FN1: variants seen among roughly 807,000 people sequenced by gnomAD.
FN1 encodes the protein fibronectin.
FN1 carries 106 observed loss-of-function variants against 297.3 expected under a neutral mutation model. That is an observed-to-expected ratio of 0.36 (90% CI 0.30 to 0.42). The LOEUF is 0.42. Among genes scored for constraint, FN1 ranks in the 10% least tolerant of loss-of-function variants. FN1 has a pLI of 1.00. For missense variants in FN1, 2,690 were observed against 3,124.9 expected (o/e 0.86, Z 3.32); for synonymous variants, 1,149 against 1,152.6 (o/e 1.00, Z 0.06).
At chr2:215,364,841 T>C in intron 44 of FN1, 38 bp downstream of exon 44, 1 of 1,398,266 alleles carries the variant, frequency 7.2e-7, no homozygotes, top group Non-Finnish European at 9.9e-7. Flanking sequence ...CCCTTTATCT[T>C]ATCTAACTTG....
intron 12 of FN1, among the ~76,000 whole-genome samples, chr2:215,416,434 T>G (rs1281122073): frequency 6.6e-6 from 1 of 152,192 alleles, no homozygotes; most frequent in East Asian, 1.9e-4. Context: ...ATGAAGATCC[T>G]TACAAATGTA....
Position 215,372,240 on chromosome 2 carries a change from G to C in FN1, c.6383C>G (p.Pro2128Arg), listed in dbSNP as rs1425239495. Residue 2128 changes from proline to arginine, a missense_variant, in exon 40 of 46, where the codon CCT becomes CGT. By Grantham distance (103) the Pro-to-Arg change is moderately radical (BLOSUM62 -2). Coordinates refer to ENST00000354785, the MANE Select transcript of FN1 (RefSeq NM_212482.4). ...GYDTGNGIQL[P>R]GTSGQQPSVG... The stretch of plus-strand genomic sequence containing the variant: ...ACTGGGTTGCTGACCAGAAGTGCCA[G>C]GAAGCTGAATACCATTTCCAGTGTC... 1 of 1,614,128 alleles carries C rather than the reference G, an allele frequency of 6.2e-7. No individual in the cohort carries two copies. Among genetic ancestry groups the C allele is most frequent in the Non-Finnish European group, 8.5e-7 (1 of 1,180,052 alleles).
chr2:215,370,145 A>G, intron 41 of FN1, 149 bp downstream of exon 41: 2 of 760,442 alleles, frequency 2.6e-6, no homozygotes, highest in African/African-American at 1.7e-5. Context: ...TTAATTTAAT[A>G]TAAAGTTGCT....
rs7592898 is a variant in FN1 at position 215,407,089 on chromosome 2, A to T, written c.2713+38T>A. The stretch of plus-strand genomic sequence containing the variant: ...CAACCCTCCTTCAGGAACAATCCTG[A>T]TAAGATAACATAGGAAGTGTCTTCT... On this transcript the variant is annotated intron_variant, in intron 18 of 45. Transcript: ENST00000354785. The T allele has an allele frequency of 0.38, 561,425 of 1,490,882 alleles. 110,786 individuals carry two copies. The highest frequency in any genetic ancestry group is 0.49 in the South Asian group (43,220 of 88,596). 92.4% of individuals were successfully genotyped at this position (1,490,882 alleles called of 1,614,324 possible).
At chr2:215,388,165 T>C in intron 27 of FN1, 47 bp downstream of exon 27, 2 of 1,334,546 alleles carry the variant, frequency 1.5e-6, no homozygotes, top group Non-Finnish European at 2.2e-6. Flanking sequence ...TTATACAGAA[T>C]TGATAGGCAA....
chr2:215,384,815 GAATCTGATTT>G, intron 29 of FN1, 35 bp downstream of exon 29: 2 of 1,293,730 alleles, frequency 1.5e-6, no homozygotes, highest in African/African-American at 1.4e-5. Flanking sequence ...ATCCACAACA[GAATCTGATTT>G]AATCAGAGTG....
In FN1 at chr2:215,372,290, G is replaced by T; in HGVS notation, c.6333C>A (p.Thr2111=). 1.2e-6 allele frequency: 2 copies of T among 1,614,174 alleles called. No individual in the cohort carries two copies. Among genetic ancestry groups the T allele is most frequent in the South Asian group, 2.2e-5 (2 of 91,084 alleles). Residue 2111 remains threonine, a synonymous_variant, in exon 40 of 46, where the codon ACC becomes ACA. Transcript: ENST00000354785. ...ILDVPSTVQK[T]PFVTHPGYDT... ...CATACCCAGGGTGGGTGACGAAAGG[G>T]GTCTTTTGAACTGTGGAAGGAACAT...
Position 215,384,076 on chromosome 2 carries a change from G to T in FN1, c.4838C>A (p.Thr1613Asn). The T allele has an allele frequency of 6.2e-7, 1 of 1,614,174 alleles. No individual in the cohort carries two copies. Among genetic ancestry groups the T allele is most frequent in the Non-Finnish European group, 8.5e-7 (1 of 1,180,028 alleles). Residue 1613 changes from threonine (T) to asparagine (N), a missense_variant, in exon 30 of 46, where the codon ACT (threonine) becomes AAT (asparagine). By Grantham distance (65) the Thr-to-Asn change is moderately conservative (BLOSUM62 0). Coordinates refer to ENST00000354785, the MANE Select transcript of FN1 (RefSeq NM_212482.4). ...GCTTGCGGGGCTGTCTCCACGGCCA[G>T]TGACAGCATACACAGTGATGGTATA... Reference protein sequence around the residue: ...VDYTITVYAVTGRGDSPASSK... With the variant: ...VDYTITVYAVNGRGDSPASSK...
In FN1 at chr2:215,371,984, T is replaced by C. The variant is rs1575257712; in HGVS notation, c.6639A>G (p.Ser2213=). ...GQEALSQTTI[S]WAPFQDTSEY... ...CAGAAGTGTCCTGGAATGGGGCCCA[T>C]GAGATGGTTGTCTGAGAGAGAGCTT... The change falls in exon 40 of 46, where the codon TCA becomes TCG. Residue 2213 remains serine (S), a synonymous_variant. Coordinates refer to ENST00000354785, the MANE Select transcript of FN1 (RefSeq NM_212482.4). 1.9e-6 allele frequency: 3 copies of C among 1,609,390 alleles called. No homozygotes were observed. Among genetic ancestry groups the C allele is most frequent in the Non-Finnish European group, 2.6e-6 (3 of 1,175,642 alleles).
rs1221672011 is a variant in FN1 at position 215,433,306 on chromosome 2, A to G, written c.415+18T>C. 4 of 1,613,844 alleles carry G rather than the reference A, an allele frequency of 2.5e-6. No homozygotes were observed. In the Admixed American group the frequency reaches 6.7e-5, roughly 27 times the overall value. ...ATATTTGATATTTTGGCATCATTTT[A>G]CACAATCTCTTCCTTACTTGCGATG... On this transcript the variant is annotated intron_variant, in intron 3 of 45. Coordinates refer to ENST00000354785, the MANE Select transcript of FN1 (RefSeq NM_212482.4).
intron 19 of FN1, 106 bp downstream of exon 19, chr2:215,406,132 C>A: frequency 8.4e-7 from 1 of 1,186,218 alleles, no homozygotes; most frequent in South Asian, 1.2e-5. Context: ...GTATTTCCCT[C>A]TCTCTAAGCC....
intron 45 of FN1, 79 bp downstream of exon 45, chr2:215,361,890 G>A: frequency 6.7e-7 from 1 of 1,491,066 alleles, no homozygotes; most frequent in Non-Finnish European, 9.2e-7. Context: ...TAAAACACTT[G>A]GTTCATTCTG....
intron 23 of FN1, among the ~76,000 whole-genome samples, chr2:215,396,506 A>G (rs1177531748): frequency 2.6e-5 from 4 of 152,166 alleles, no homozygotes; most frequent in Non-Finnish European, 4.4e-5. Context: ...CTTAATCAGA[A>G]TTTTCAGTTT....
In FN1 at chr2:215,384,026, G is replaced by A. The variant is rs773893768; in HGVS notation, c.4888C>T (p.Arg1630Ter). 1 of 1,614,060 alleles carries A rather than the reference G, an allele frequency of 6.2e-7. No individual in the cohort carries two copies. Among genetic ancestry groups the A allele is most frequent in the Non-Finnish European group, 8.5e-7 (1 of 1,179,980 alleles). The change falls in exon 30 of 46, where the codon CGA becomes TGA. Residue 1630 changes from arginine (R) to a stop codon, truncating the protein, a stop_gained. Coordinates refer to ENST00000354785, the MANE Select transcript of FN1 (RefSeq NM_212482.4). LOFTEE classifies it high-confidence loss of function. Reference sequence around the variant, plus strand: ...CCAGAGTAGAAGTTTGTACCTGTTCGGTAATTAATGGAAATTGGCTTGCTG... The same window carrying A: ...CCAGAGTAGAAGTTTGTACCTGTTCAGTAATTAATGGAAATTGGCTTGCTG... The part of the protein sequence containing the change: ...ASSKPISINY[R>*]TEIDKPSQMQ...
At chr2:215,377,168 T>G (rs1575330737) in intron 35 of FN1, among the ~76,000 whole-genome samples, 1 of 152,038 alleles carries the variant, frequency 6.6e-6, no homozygotes, top group African/African-American at 2.4e-5. Context: ...GCCATCCCTC[T>G]TTTATAAATG....
At chr2:215,417,747 A>G (rs2063647992) in intron 12 of FN1, among the ~76,000 whole-genome samples, 1 of 152,192 alleles carries the variant, frequency 6.6e-6, no homozygotes, top group South Asian at 2.1e-4. Context: ...TCTCCTTTTT[A>G]AAGAGTAGGA....
chr2:215,387,313 A>G (rs978518283), intron 27 of FN1, among the ~76,000 whole-genome samples: 1 of 152,194 alleles, frequency 6.6e-6, no homozygotes, highest in Non-Finnish European at 1.5e-5. Flanking sequence ...TCAGTGTTCA[A>G]GTATTCTGTG....
chr2:215,370,534 G>C, intron 40 of FN1, 102 bp from the exon 41 acceptor site: 2 of 642,862 alleles, frequency 3.1e-6, no homozygotes, highest in Non-Finnish European at 4.6e-6. Flanking sequence ...ACAAAGCAAA[G>C]GAAGACAAAA....
intron 20 of FN1, among the ~76,000 whole-genome samples, chr2:215,402,007 C>T (rs1304736255): frequency 6.6e-6 from 1 of 152,032 alleles, no homozygotes; most frequent in Non-Finnish European, 1.5e-5. Context: ...AATTATACAC[C>T]ACTTGACTGC....
Sources: allele counts gnomAD v4.1 joint callset (sites outside exome capture counted in the v4.1 genomes callset), GRCh38; gene constraint gnomAD v4.1.1; transcripts MANE v1.5; gene names NCBI Gene and HGNC (gene_info 2026-07-23, HGNC 2026-07-21).